The following IL23R variants were observed in gnomAD, a reference collection of about 807,000 sequenced individuals.
IL23R encodes interleukin-23 receptor.
Under a neutral mutation model 56.9 loss-of-function variants are expected in IL23R, and 34 were observed. The ratio of observed to expected loss-of-function variants is 0.60; its 90% CI spans 0.45 to 0.80. IL23R has a LOEUF of 0.80. Among genes scored for constraint, IL23R ranks in the 30% least tolerant of loss-of-function variants. The probability of loss-of-function intolerance (pLI) is 0.00; values close to 1 mark genes in which losing one functional copy is unlikely to be tolerated. For missense variants in IL23R, 635 were observed against 730.0 expected (o/e 0.87, Z 1.50); for synonymous variants, 230 against 249.2 (o/e 0.92, Z 0.73).
chr1:67,153,834 C>T (rs905611210), intron 1 of IL23R, among the ~76,000 whole-genome samples: 4 of 151,840 alleles, frequency 2.6e-5, no homozygotes, highest in East Asian at 1.9e-4. Flanking sequence ...GGCGCAATTT[C>T]GGCTCACTGC....
intron 3 of IL23R, among the ~76,000 whole-genome samples, chr1:67,179,254 T>C (rs1170116383): frequency 6.6e-6 from 1 of 152,198 alleles, no homozygotes; most frequent in Non-Finnish European, 1.5e-5. Context: ...TCCTGGACTT[T>C]TTTTGGTTGG....
At position 67,219,741 on chromosome 1, in the gene IL23R, T is replaced by A; in HGVS notation, c.955+11T>A. On this transcript the variant is annotated intron_variant, in intron 7 of 10. Transcript: ENST00000347310. ...AAACACCTGAAACAGGTGAGTGTAC[T>A]TATATATTTTATTCTGTTGGGCTTT... 1 of 1,609,884 alleles carries A rather than the reference T, an allele frequency of 6.2e-7. No individual in the cohort carries two copies. Among genetic ancestry groups the A allele is most frequent in the East Asian group, 2.2e-5 (1 of 44,840 alleles).
intron 4 of IL23R, among the ~76,000 whole-genome samples, chr1:67,195,477 G>C (rs1266758636): frequency 6.6e-6 from 1 of 152,188 alleles, no homozygotes; most frequent in Admixed American, 6.5e-5. Flanking sequence ...AAACTGAGCT[G>C]TATAGAGCTT....
intron 3 of IL23R, among the ~76,000 whole-genome samples, chr1:67,173,584 C>A (rs1646971688): frequency 6.6e-6 from 1 of 152,114 alleles, no homozygotes; most frequent in Admixed American, 6.6e-5. Flanking sequence ...AGCCCAGTTT[C>A]TCTCCATTGT....
chr1:67,231,620 A>G (rs1651104501), intron 7 of IL23R, among the ~76,000 whole-genome samples: 1 of 152,164 alleles, frequency 6.6e-6, no homozygotes, highest in African/African-American at 2.4e-5. Flanking sequence ...CAGTTTCTCA[A>G]TAGGGGTAAG....
chr1:67,225,627 A>T (rs1650565505), intron 7 of IL23R, among the ~76,000 whole-genome samples: 1 of 151,904 alleles, frequency 6.6e-6, no homozygotes, highest in South Asian at 2.1e-4. Context: ...CTCCTGCCTC[A>T]GCCTCTCAAG....
At chr1:67,264,979 A>G (rs1009458241), downstream of IL23R, among the ~76,000 whole-genome samples, 3 of 152,350 alleles carry the variant, frequency 2.0e-5, no homozygotes, top group Middle Eastern at 3.4e-3. Context: ...TTACAGAAGC[A>G]TAACTCTTTC....
chr1:67,254,126 T>C (rs895163885), intron 9 of IL23R, among the ~76,000 whole-genome samples: 2 of 152,084 alleles, frequency 1.3e-5, no homozygotes, highest in South Asian at 2.1e-4. Context: ...TGGAGTGCAG[T>C]GGTGCAATCT....
In IL23R at chr1:67,258,802, C is replaced by T; in HGVS notation, c.1564C>T (p.Pro522Ser). 1 of 1,611,294 alleles carries T rather than the reference C, an allele frequency of 6.2e-7. No individual in the cohort carries two copies. The highest frequency in any genetic ancestry group is 8.5e-7 in the Non-Finnish European group (1 of 1,177,864). Residue 522 changes from proline to serine, a missense_variant, in exon 11 of 11, where the codon CCC becomes TCC. Physicochemically the swap from Pro to Ser is moderately conservative, Grantham distance 74. Coordinates refer to ENST00000347310, the MANE Select transcript of IL23R (RefSeq NM_144701.3). ...PVDSLDSGNNPRLQKHPNFAF... is the reference protein window; with the variant it reads ...PVDSLDSGNNSRLQKHPNFAF... ...TGATTCCTTAGACTCAGGAAATAAT[C>T]CCAGGTTACAAAAGCATCCTAATTT...
intron 10 of IL23R, among the ~76,000 whole-genome samples, 166 bp from the exon 11 acceptor site, chr1:67,258,312 G>A (rs1653060840): frequency 6.6e-6 from 1 of 151,922 alleles, no homozygotes; most frequent in African/African-American, 2.4e-5. Context: ...AAGCAAGCAG[G>A]ATAACAAAAG....
intron 6 of IL23R, chr1:67,207,278 G>C: frequency 1.6e-6 from 1 of 611,354 alleles, no homozygotes; most frequent in South Asian, 1.8e-5. Context: ...TGGTATTGAG[G>C]TTTGGGGTAT....
At chr1:67,218,585 G>A (rs961515497) in intron 6 of IL23R, among the ~76,000 whole-genome samples, 9 of 151,976 alleles carry the variant, frequency 5.9e-5, no homozygotes, top group Non-Finnish European at 1.5e-5. Context: ...CCCATTAAAA[G>A]AGTATATTCC....
Position 67,182,948 on chromosome 1 carries a change from A to T in IL23R, c.480A>T (p.Val160=). The change falls in exon 4 of 11, where the codon GTA becomes GTT. Residue 160 remains valine (V), a synonymous_variant. Coordinates refer to ENST00000347310, the MANE Select transcript of IL23R (RefSeq NM_144701.3). ...CCTACATAGACACAAAATACGTGGT[A>T]CATGTGAAGAGGTAGGTCACTTCCT... is the stretch of plus-strand genomic sequence containing the variant. ...KLTYIDTKYV[V]HVKSLETEEE... 6.2e-7 allele frequency: 1 copy of T among 1,614,046 alleles called. No individual in the cohort carries two copies. Among genetic ancestry groups the T allele is most frequent in the East Asian group, 2.2e-5 (1 of 44,882 alleles).
intron 6 of IL23R, among the ~76,000 whole-genome samples, chr1:67,207,859 A>G (rs1175440198): frequency 3.3e-5 from 5 of 152,202 alleles, no homozygotes; most frequent in African/African-American, 1.2e-4. Flanking sequence ...AATAGGCAGA[A>G]ATTGGAACAG....
chr1:67,157,748 CT>C (rs1161525335), intron 1 of IL23R, among the ~76,000 whole-genome samples: 1 of 152,180 alleles, frequency 6.6e-6, no homozygotes, highest in African/African-American at 2.4e-5. Context: ...TGCTGTCTAC[CT>C]TTCCCACTTA....
chr1:67,140,023 G>A (rs553017751), intron 1 of IL23R, among the ~76,000 whole-genome samples: 20 of 152,274 alleles, frequency 1.3e-4, no homozygotes, highest in Middle Eastern at 3.4e-3. Context: ...CTGTGCCACC[G>A]TGGGACTCTG....
chr1:67,229,279 C>T (rs114943244), intron 7 of IL23R, among the ~76,000 whole-genome samples: 6 of 152,138 alleles, frequency 3.9e-5, no homozygotes, highest in Admixed American at 1.3e-4. Flanking sequence ...TGGGAAAACA[C>T]TTATGATTAC....
chr1:67,150,320 G>A (rs1259779350), intron 1 of IL23R, among the ~76,000 whole-genome samples: 2 of 139,458 alleles, frequency 1.4e-5, no homozygotes, highest in African/African-American at 2.7e-5. Context: ...TCATTACATA[G>A]GTATACATTT....
chr1:67,202,867 G>A (rs1170861485), intron 5 of IL23R, among the ~76,000 whole-genome samples: 2 of 152,134 alleles, frequency 1.3e-5, no homozygotes, highest in African/African-American at 4.8e-5. Flanking sequence ...GAGCCACCAT[G>A]ACCGGCCTGA....
Sources: allele counts gnomAD v4.1 joint callset (sites outside exome capture counted in the v4.1 genomes callset), GRCh38; gene constraint gnomAD v4.1.1; transcripts MANE v1.5; gene names NCBI Gene and HGNC (gene_info 2026-07-23, HGNC 2026-07-21).